Variants in ZNF385D observed in about 807,000 individuals in gnomAD.
ZNF385D encodes zinc finger protein 659.
In ZNF385D, 15 loss-of-function variants were observed where a neutral mutation model predicts 35.8. The observed-to-expected ratio is 0.42, with a 90% CI of 0.28 to 0.64. ZNF385D has a LOEUF of 0.64. Ranked by LOEUF, ZNF385D falls within the 30% of genes least tolerant of loss-of-function variation. ZNF385D has a pLI of 0.23. For missense variants in ZNF385D, 474 were observed against 494.6 expected (o/e 0.96, Z 0.39); for synonymous variants, 212 against 186.8 (o/e 1.13, Z -1.10).
At chr3:22,316,030 T>C (rs1407092193) in intron 2 of ZNF385D, among the ~76,000 whole-genome samples, 1 of 152,182 alleles carries the variant, frequency 6.6e-6, no homozygotes, top group African/African-American at 2.4e-5. Flanking sequence ...AACCTAAGAT[T>C]GGTCTCCTGA....
At chr3:21,550,756 C>G (rs759375429) in intron 3 of ZNF385D, among the ~76,000 whole-genome samples, 1 of 152,202 alleles carries the variant, frequency 6.6e-6, no homozygotes, top group African/African-American at 2.4e-5. Flanking sequence ...GCTGGGATTA[C>G]AGTCGTGCGC....
intron 3 of ZNF385D, among the ~76,000 whole-genome samples, chr3:21,517,300 G>A (rs988262356): frequency 1.3e-5 from 2 of 152,000 alleles, no homozygotes; most frequent in South Asian, 2.1e-4. Flanking sequence ...AACGACTGCC[G>A]AGATAATGGC....
At chr3:21,569,615 C>T (rs1166287889) in intron 2 of ZNF385D, among the ~76,000 whole-genome samples, 1 of 149,952 alleles carries the variant, frequency 6.7e-6, no homozygotes, top group Non-Finnish European at 1.5e-5. Flanking sequence ...ATGATGTTAG[C>T]TGGTTATTTT....
chr3:21,974,786 G>T (rs1703487588), intron 3 of ZNF385D, among the ~76,000 whole-genome samples: 1 of 152,020 alleles, frequency 6.6e-6, no homozygotes, highest in African/African-American at 2.4e-5. Context: ...TCAAAAGAAG[G>T]CACGCAAATG....
intron 3 of ZNF385D, among the ~76,000 whole-genome samples, chr3:21,899,262 A>T (rs969244416): frequency 2.0e-5 from 3 of 152,108 alleles, no homozygotes; most frequent in African/African-American, 7.2e-5. Flanking sequence ...ACAGTTGAGA[A>T]ACCCTGTCTT....
chr3:21,726,747 C>T (rs1013947111), intron 1 of ZNF385D, among the ~76,000 whole-genome samples: 8 of 152,084 alleles, frequency 5.3e-5, no homozygotes, highest in South Asian at 2.1e-4. Context: ...CTATACTGCC[C>T]GAAGTGGTTT....
intron 3 of ZNF385D, among the ~76,000 whole-genome samples, chr3:22,003,130 T>C (rs765546102): frequency 3.9e-4 from 60 of 152,166 alleles, no homozygotes; most frequent in African/African-American, 1.3e-3. Flanking sequence ...AGAAGTCAAA[T>C]TGTCCTTCTT....
intron 3 of ZNF385D, among the ~76,000 whole-genome samples, chr3:21,852,072 G>T (rs1438736188): frequency 6.6e-6 from 1 of 151,842 alleles, no homozygotes; most frequent in Admixed American, 6.6e-5. Context: ...GACTCTGTTT[G>T]GTAGATTCTC....
chr3:21,927,181 C>T (rs950368947), intron 3 of ZNF385D, among the ~76,000 whole-genome samples: 3 of 152,076 alleles, frequency 2.0e-5, no homozygotes, highest in Non-Finnish European at 2.9e-5. Context: ...CTCCTTTAGC[C>T]ATGGATAGAA....
At chr3:21,625,216 G>C (rs1340596533) in intron 2 of ZNF385D, among the ~76,000 whole-genome samples, 2 of 152,016 alleles carry the variant, frequency 1.3e-5, no homozygotes, top group Non-Finnish European at 2.9e-5. Context: ...CCAATTTTAA[G>C]GTCAGAGACT....
intron 3 of ZNF385D, among the ~76,000 whole-genome samples, chr3:21,826,481 G>C (rs529946332): frequency 6.6e-6 from 1 of 152,290 alleles, no homozygotes; most frequent in Admixed American, 6.5e-5. Flanking sequence ...TAGAGTTGTT[G>C]ATGTCTAAAC....
chr3:21,906,302 T>C (rs756412243), intron 3 of ZNF385D, among the ~76,000 whole-genome samples: 1 of 152,190 alleles, frequency 6.6e-6, no homozygotes, highest in African/African-American at 2.4e-5. Flanking sequence ...CCAGCACTGA[T>C]ACAAGATGAA....
At chr3:21,822,642 T>C (rs1305441950) in intron 3 of ZNF385D, among the ~76,000 whole-genome samples, 1 of 152,164 alleles carries the variant, frequency 6.6e-6, no homozygotes, top group Admixed American at 6.5e-5. Context: ...AGAAAGTTGA[T>C]ACTGGCATTA....
chr3:22,233,101 C>T (rs577389700), intron 2 of ZNF385D, among the ~76,000 whole-genome samples: 11 of 151,990 alleles, frequency 7.2e-5, no homozygotes, highest in Admixed American at 2.6e-4. Flanking sequence ...TAGTATACTC[C>T]GTTTCTCTAT....
At position 21,682,179 on chromosome 3, in the gene ZNF385D, A is replaced by G. The variant is rs376798702; in HGVS notation, c.23-17151T>C. On this transcript the variant is annotated intron_variant, in intron 1 of 7. Transcript: ENST00000281523. ...ATCTAACAAAATAAAGAAGAGCTGA[A>G]TCTTGGACAATTGGCAGGTTGGTTT... is the stretch of plus-strand genomic sequence containing the variant. Among the ~76,000 whole-genome samples, 7 of 152,338 alleles carry G rather than the reference A, an allele frequency of 4.6e-5. No homozygotes were observed. The East Asian group carries it at 1.4e-3, about 29-fold the overall frequency.
intron 3 of ZNF385D, among the ~76,000 whole-genome samples, chr3:21,993,413 C>G (rs1695266225): frequency 6.6e-6 from 1 of 152,082 alleles, no homozygotes; most frequent in Non-Finnish European, 1.5e-5. Flanking sequence ...TCTGGTCTCT[C>G]CTAAATAATA....
chr3:22,172,728 A>G (rs1017879873), intron 2 of ZNF385D, among the ~76,000 whole-genome samples: 4 of 152,232 alleles, frequency 2.6e-5, no homozygotes, highest in Non-Finnish European at 5.9e-5. Flanking sequence ...GCAACATATT[A>G]TTGGATTAAT....
chr3:21,777,921 AG>A (rs1404891449), intron 3 of ZNF385D: 1 of 151,916 alleles, frequency 6.6e-6, no homozygotes, highest in African/African-American at 2.4e-5. Context: ...TGACATAAGA[AG>A]CGGAATTGTC....
At chr3:21,561,982 C>T (rs1466641458) in intron 3 of ZNF385D, 1 of 152,040 alleles carries the variant, frequency 6.6e-6, no homozygotes, top group Non-Finnish European at 1.5e-5. Flanking sequence ...AAGACTAATA[C>T]AATAATCATC....
Sources: allele counts gnomAD v4.1 joint callset (sites outside exome capture counted in the v4.1 genomes callset), GRCh38; gene constraint gnomAD v4.1.1; transcripts MANE v1.5; gene names NCBI Gene and HGNC (gene_info 2026-07-23, HGNC 2026-07-21).